Variants in KCNK12 observed in about 807,000 individuals in gnomAD.
KCNK12 encodes potassium two pore domain channel subfamily K member 12, also known as potassium channel subfamily K member 12.
Under a neutral mutation model 25.3 loss-of-function variants are expected in KCNK12, and 6 were observed. That is an observed-to-expected ratio of 0.24 (90% CI 0.13 to 0.47). KCNK12 has a LOEUF of 0.47. KCNK12 is among the 20% of genes least tolerant of loss of function. The pLI is 0.99. For missense variants in KCNK12, 444 were observed against 661.7 expected (o/e 0.67, Z 3.61); for synonymous variants, 331 against 311.1 (o/e 1.06, Z -0.67).
chr2:47,560,724 G>A lies in KCNK12; in HGVS notation c.391+9217C>T, dbSNP rs1361240377. Among the ~76,000 whole-genome samples the A allele has an allele frequency of 6.6e-6, 1 of 152,240 alleles. No homozygotes were observed. The highest frequency in any genetic ancestry group is 1.5e-5 in the Non-Finnish European group (1 of 68,046). On this transcript the variant is annotated intron_variant, in intron 1 of 1. Coordinates refer to ENST00000327876, the MANE Select transcript of KCNK12 (RefSeq NM_022055.2). This position sits in a 1 kb window ranked among gnomAD's most constrained non-coding sequence, Gnocchi z 4.7. ...CTGAGTAAACACAGATAAAAACACA[G>A]TGAACTGGCAAACATGACATGTGGC...
In KCNK12 at chr2:47,548,380, A is replaced by G. The variant is rs1391000077; in HGVS notation, c.391+21561T>C. Among the ~76,000 whole-genome samples, 1 of 152,176 alleles carries G rather than the reference A, an allele frequency of 6.6e-6. No individual in the cohort carries two copies. The highest frequency in any genetic ancestry group is 6.5e-5 in the Admixed American group (1 of 15,282). ...TTGGAAGTGGAAAAGTCATTTCAGA[A>G]TTAACATTTCCAAAACCAAGCTCTT... On this transcript the variant is annotated intron_variant, in intron 1 of 1. Transcript: ENST00000327876. The surrounding 1 kb of genome is among the most constrained non-coding windows in gnomAD (Gnocchi z 4.4).
rs1669769435 is a variant in KCNK12, at chr2:47,565,348, C to G, written c.391+4593G>C. 1 of 151,982 alleles carries G rather than the reference C, an allele frequency of 6.6e-6. No individual in the cohort carries two copies. Among genetic ancestry groups the G allele is most frequent in the South Asian group, 2.1e-4 (1 of 4,818 alleles). 9.4% of individuals were successfully genotyped at this position (151,982 alleles called of 1,614,324 possible). On this transcript the variant is annotated intron_variant, in intron 1 of 1. Transcript: ENST00000327876. The surrounding 1 kb of genome is among the most constrained non-coding windows in gnomAD (Gnocchi z 5.0). ...TATAATGTCTTAGTTTCCTTTGTAGCAAAAAGAGTTTTAAAAATCCATGTT... is the reference window on the plus strand; with the variant it reads ...TATAATGTCTTAGTTTCCTTTGTAGGAAAAAGAGTTTTAAAAATCCATGTT...
chr2:47,509,585 G>A lies in KCNK12; in HGVS notation c.*11322C>T, dbSNP rs895748664. Among the ~76,000 whole-genome samples the A allele has an allele frequency of 2.6e-5, 4 of 152,208 alleles. No individual in the cohort carries two copies. The South Asian group carries it at 6.2e-4, about 24-fold the overall frequency. On this transcript the variant is annotated 3_prime_UTR_variant, in exon 2 of 2. Coordinates refer to ENST00000327876, the MANE Select transcript of KCNK12 (RefSeq NM_022055.2). ...CTCCTTAGCACATAAGACCCTGTCC[G>A]AGGACTGTGGCATGACGTGCTGGAG...
In KCNK12 at chr2:47,551,777, C is replaced by G. The variant is rs1330009330; in HGVS notation, c.391+18164G>C. Among the ~76,000 whole-genome samples the G allele has an allele frequency of 1.3e-5, 2 of 152,234 alleles. No homozygotes were observed. Among genetic ancestry groups the G allele is most frequent in the East Asian group, 1.9e-4 (1 of 5,204 alleles). ...GAAGGCAGATTATTGGTTTAAGATT[C>G]AGTTCTAGCCACAGGCTGCACTGTG... is the stretch of plus-strand genomic sequence containing the variant. On this transcript the variant is annotated intron_variant, in intron 1 of 1. Transcript: ENST00000327876. This position sits in a 1 kb window ranked among gnomAD's most constrained non-coding sequence, Gnocchi z 5.3.
rs551658854 is a variant in KCNK12 at position 47,542,909 on chromosome 2, A to G, written c.392-21101T>C. Among the ~76,000 whole-genome samples, 26 of 152,276 alleles carry G rather than the reference A, an allele frequency of 1.7e-4. No homozygotes were observed. The South Asian group carries it at 5.4e-3, about 32-fold the overall frequency. On this transcript the variant is annotated intron_variant, in intron 1 of 1. Transcript: ENST00000327876. ...CAATTCACACATTGGCTTGAGAATG[A>G]GTTCTTTTTCTTTTTCTTTATTTAT...
Position 47,518,589 on chromosome 2 carries a change from T to A in KCNK12, c.*2318A>T, listed in dbSNP as rs531672173. ...TGGAGGTGGGTCCTGGTTCCTCCCATGGAGACCACGATTCTGTGTAGTCCT... is the reference window on the plus strand; with the variant it reads ...TGGAGGTGGGTCCTGGTTCCTCCCAAGGAGACCACGATTCTGTGTAGTCCT... On this transcript the variant is annotated 3_prime_UTR_variant, in exon 2 of 2. Transcript: ENST00000327876. This position sits in a 1 kb window ranked among gnomAD's most constrained non-coding sequence, Gnocchi z 4.1. 4 of 152,312 alleles carry A rather than the reference T, an allele frequency of 2.6e-5. No individual in the cohort carries two copies. Among genetic ancestry groups the A allele is most frequent in the Non-Finnish European group, 5.9e-5 (4 of 68,104 alleles). 9.4% of individuals were successfully genotyped at this position (152,312 alleles called of 1,614,324 possible).
At chr2:47,522,074 A>C (rs978640505) in intron 1 of KCNK12, among the ~76,000 whole-genome samples, 2 of 152,230 alleles carry the variant, frequency 1.3e-5, no homozygotes, top group Non-Finnish European at 2.9e-5. Flanking sequence ...TGGTTGGGAC[A>C]GGTAGTCACT....
chr2:47,554,311 A>G (rs1572605643), intron 1 of KCNK12, among the ~76,000 whole-genome samples: 1 of 152,224 alleles, frequency 6.6e-6, no homozygotes, highest in Non-Finnish European at 1.5e-5. Context: ...AAAACGGTAC[A>G]TGTTCTAAGG....
rs1447699235 is a variant in KCNK12, at chr2:47,569,166, AAAAG to A, written c.391+771_391+774del. Among the ~76,000 whole-genome samples, 5 of 152,294 alleles carry A rather than the reference AAAAG, an allele frequency of 3.3e-5. No homozygotes were observed. The highest frequency in any genetic ancestry group is 9.6e-5 in the African/African-American group (4 of 41,552). ...AAAACGTGAACTGTTTATATCCAAA[AAAAG>A]AGAGAAGAGATGATGGAAAGAATAG... On this transcript the variant is annotated intron_variant, in intron 1 of 1. Coordinates refer to ENST00000327876, the MANE Select transcript of KCNK12 (RefSeq NM_022055.2). This position sits in a 1 kb window ranked among gnomAD's most constrained non-coding sequence, Gnocchi z 4.1.
At chr2:47,544,635 ATGGCCCCC>A (rs1056631585) in intron 1 of KCNK12, among the ~76,000 whole-genome samples, 1 of 152,146 alleles carries the variant, frequency 6.6e-6, no homozygotes, top group African/African-American at 2.4e-5. Flanking sequence ...AGCCTCCTAA[ATGGCCCCC>A]TGGCAGCTTA....
chr2:47,531,718 T>C (rs1037396812), intron 1 of KCNK12, among the ~76,000 whole-genome samples: 2 of 152,098 alleles, frequency 1.3e-5, no homozygotes, highest in African/African-American at 4.8e-5. Context: ...GGAATTGGGG[T>C]AACCAAAGGT....
intron 1 of KCNK12, chr2:47,563,864 G>A (rs1225719921): frequency 4.3e-6 from 1 of 232,516 alleles, no homozygotes; most frequent in Non-Finnish European, 8.5e-6. Context: ...GAGGCCCTTG[G>A]GCATAGTCAA....
In KCNK12 at chr2:47,553,834, C is replaced by T. The variant is rs144165748; in HGVS notation, c.391+16107G>A. ...TTGCTTAAGGCAGGCTGGTCCTGAC[C>T]TCACTCACACTGTTCTTTCAAACCT... On this transcript the variant is annotated intron_variant, in intron 1 of 1. Transcript: ENST00000327876. 4.6e-3 allele frequency among the ~76,000 whole-genome samples: 696 copies of T among 152,272 alleles called. 3 individuals carry two copies. Among genetic ancestry groups the T allele is most frequent in the Non-Finnish European group, 6.5e-3 (440 of 68,028 alleles).
At chr2:47,530,090 C>G (rs539707313) in intron 1 of KCNK12, among the ~76,000 whole-genome samples, 7 of 152,288 alleles carry the variant, frequency 4.6e-5, no homozygotes. Context: ...AAGAGCCTCA[C>G]TTTAATCAAG....
At position 47,557,876 on chromosome 2, in the gene KCNK12, G is replaced by A. The variant is rs922736103; in HGVS notation, c.391+12065C>T. On this transcript the variant is annotated intron_variant, in intron 1 of 1. Coordinates refer to ENST00000327876, the MANE Select transcript of KCNK12 (RefSeq NM_022055.2). The surrounding 1 kb of genome is among the most constrained non-coding windows in gnomAD (Gnocchi z 4.9). Reference sequence around the variant, plus strand: ...TTCGGGGACTGTGAAGGTAGAAACGGCAGTAAGGTGGACTTCATGCAGCTG... The same window carrying A: ...TTCGGGGACTGTGAAGGTAGAAACGACAGTAAGGTGGACTTCATGCAGCTG... Among the ~76,000 whole-genome samples, 2 of 152,172 alleles carry A rather than the reference G, an allele frequency of 1.3e-5. No individual in the cohort carries two copies. Among genetic ancestry groups the A allele is most frequent in the South Asian group, 4.1e-4 (2 of 4,830 alleles).
Position 47,548,487 on chromosome 2 carries a change from T to A in KCNK12, c.391+21454A>T, listed in dbSNP as rs1315044896. On this transcript the variant is annotated intron_variant, in intron 1 of 1. Coordinates refer to ENST00000327876, the MANE Select transcript of KCNK12 (RefSeq NM_022055.2). The surrounding 1 kb of genome is among the most constrained non-coding windows in gnomAD (Gnocchi z 4.4). ...TAAATGGCAAATCCATCCTTGCAGT[T>A]GCTAAGGGCAAAAGTCTTAGAGCCC... Among the ~76,000 whole-genome samples the A allele has an allele frequency of 1.3e-5, 2 of 152,210 alleles. No individual in the cohort carries two copies. Among genetic ancestry groups the A allele is most frequent in the Non-Finnish European group, 2.9e-5 (2 of 68,046 alleles).
rs1669351241 is a variant in KCNK12, at chr2:47,548,113, T to C, written c.391+21828A>G. Among the ~76,000 whole-genome samples the C allele has an allele frequency of 6.6e-6, 1 of 152,208 alleles. No individual in the cohort carries two copies. Among genetic ancestry groups the C allele is most frequent in the Admixed American group, 6.5e-5 (1 of 15,274 alleles). ...CTTCCTCTTTGCCTTCTGACATGAT[T>C]GTAAGTTCCCTGAGGCCTCTCCTGC... On this transcript the variant is annotated intron_variant, in intron 1 of 1. Transcript: ENST00000327876. The surrounding 1 kb of genome is among the most constrained non-coding windows in gnomAD (Gnocchi z 4.4).
chr2:47,539,483 C>T (rs1669146970), intron 1 of KCNK12, among the ~76,000 whole-genome samples: 2 of 152,062 alleles, frequency 1.3e-5, no homozygotes, highest in Middle Eastern at 3.4e-3. Context: ...GTGGCCCAGA[C>T]CAGGAGAGTA....
intron 1 of KCNK12, among the ~76,000 whole-genome samples, chr2:47,568,377 T>A (rs1020515090): frequency 2.0e-5 from 3 of 151,300 alleles, no homozygotes; most frequent in African/African-American, 7.3e-5. Flanking sequence ...TTTGAGGGGG[T>A]CATTTTATAT....
Sources: allele counts gnomAD v4.1 joint callset (sites outside exome capture counted in the v4.1 genomes callset), GRCh38; gene constraint gnomAD v4.1.1; non-coding constraint Gnocchi (gnomAD v3.1); transcripts MANE v1.5; gene names NCBI Gene and HGNC (gene_info 2026-07-23, HGNC 2026-07-21).